MYO5B: variants seen among roughly 807,000 people sequenced by gnomAD.
The protein encoded by MYO5B is unconventional myosin-Vb.
In MYO5B, 143 loss-of-function variants were observed where a neutral mutation model predicts 229.3. The ratio of observed to expected loss-of-function variants is 0.62; its 90% confidence interval spans 0.54 to 0.72. The LOEUF (loss-of-function observed/expected upper bound fraction) is 0.72, where lower values mean the gene tolerates loss of function less well. Among genes scored for constraint, MYO5B ranks in the 30% least tolerant of loss-of-function variants. MYO5B has a pLI of 0.00. For missense variants in MYO5B, 2,321 were observed against 2,331.0 expected, an observed-to-expected ratio of 1.00 and a Z score of 0.09; for synonymous variants, 918 against 885.2, an observed-to-expected ratio of 1.04 and a Z score of -0.66.
At chr18:50,036,137 T>C (rs2026445615) in intron 4 of MYO5B, among the ~76,000 whole-genome samples, 2 of 152,222 alleles carry the variant, frequency 1.3e-5, no homozygotes, top group African/African-American at 4.8e-5. Flanking sequence ...CAAGAAAAAC[T>C]TGGCTGAAAG....
intron 4 of MYO5B, among the ~76,000 whole-genome samples, chr18:50,029,560 A>G (rs372526126): frequency 6.6e-6 from 1 of 152,212 alleles, no homozygotes; most frequent in African/African-American, 2.4e-5. Flanking sequence ...TCACCCAGTC[A>G]TTGCTCCCTA....
intron 4 of MYO5B, among the ~76,000 whole-genome samples, chr18:50,007,064 G>C (rs1211676804): frequency 1.3e-5 from 2 of 152,088 alleles, no homozygotes; most frequent in Non-Finnish European, 2.9e-5. Context: ...TGCAGACTTG[G>C]GTGGCACCCG....
At chr18:50,011,962 GTGGGA>G (rs1393885432) in intron 4 of MYO5B, among the ~76,000 whole-genome samples, 1 of 152,024 alleles carries the variant, frequency 6.6e-6, no homozygotes, top group Non-Finnish European at 1.5e-5. Flanking sequence ...TGTGTAAAGA[GTGGGA>G]CAGCATAGGT....
rs542968237 is a variant in MYO5B, at chr18:49,989,614, C to A, written c.838+825G>T. ...CCATAAGGACCCACACAGAGAAGGG[C>A]CAAAGGCTCCAGACCCAAGGAGAGC... On this transcript the variant is annotated intron_variant, in intron 7 of 39. Transcript: ENST00000285039. 5.3e-5 allele frequency among the ~76,000 whole-genome samples: 8 copies of A among 152,234 alleles called. No individual in the cohort carries two copies. In the South Asian group the frequency reaches 1.5e-3, roughly 28 times the overall value.
chr18:49,843,503 TAGGA>T, intron 33 of MYO5B, 111 bp from the exon 34 acceptor site: 6 of 1,330,760 alleles, frequency 4.5e-6, no homozygotes, highest in Non-Finnish European at 6.4e-6. Context: ...ATAGCTCATC[TAGGA>T]ATAGATGTCT....
chr18:49,947,347 C>A (rs376858238), intron 14 of MYO5B, among the ~76,000 whole-genome samples: 1 of 151,892 alleles, frequency 6.6e-6, no homozygotes, highest in South Asian at 2.1e-4. Context: ...CCTTGTGATC[C>A]GCCTGCCTTG....
chr18:50,090,938 T>C (rs189204129), intron 1 of MYO5B, among the ~76,000 whole-genome samples: 84 of 152,366 alleles, frequency 5.5e-4, no homozygotes, highest in Non-Finnish European at 9.7e-4. Flanking sequence ...ATTCTAGCCA[T>C]GCTAGGTTCC....
chr18:50,101,899 A>C (rs1361072186), intron 1 of MYO5B, among the ~76,000 whole-genome samples: 4 of 152,236 alleles, frequency 2.6e-5, no homozygotes, highest in African/African-American at 9.6e-5. Context: ...TACCCAAAGG[A>C]ATATAAATCA....
At chr18:50,065,941 C>T (rs2852099) in intron 1 of MYO5B, among the ~76,000 whole-genome samples, 146,684 of 152,092 alleles carry the variant, frequency 0.96, 70,946 homozygotes, top group East Asian at 1. Flanking sequence ...CGCTAAGGAA[C>T]TGAAAGAGGG....
rs151001572 is a variant in MYO5B at position 49,992,339 on chromosome 18, G to C, written c.705C>G (p.Ile235Met). The C allele has an allele frequency of 1.2e-6, 2 of 1,614,050 alleles. No individual in the cohort carries two copies. The highest frequency in any genetic ancestry group is 2.7e-5 in the African/African-American group (2 of 74,914). The change falls in exon 6 of 40, where the codon ATC (isoleucine) becomes ATG (methionine). Residue 235 changes from isoleucine (I) to methionine (M), a missense_variant. Ile to Met is a conservative substitution (Grantham distance 10, BLOSUM62 1). Transcript: ENST00000285039. ...AGAGGTAAGTCCTCATGTTGGCCCCGATGATGTGGTACCTTTTGTCAAAGC... is the reference window on the plus strand; with the variant it reads ...AGAGGTAAGTCCTCATGTTGGCCCCCATGATGTGGTACCTTTTGTCAAAGC... ...QIGFDKRYHI[I>M]GANMRTYLLE...
intron 1 of MYO5B, among the ~76,000 whole-genome samples, chr18:50,138,642 CTT>C (rs754318877): frequency 4.7e-5 from 7 of 148,260 alleles, no homozygotes; most frequent in African/African-American, 1.8e-4. Flanking sequence ...GGTGATGACT[CTT>C]GAGTCGGAAA....
intron 39 of MYO5B, among the ~76,000 whole-genome samples, chr18:49,827,330 T>C (rs1350657897): frequency 1.3e-5 from 2 of 152,168 alleles, no homozygotes; most frequent in African/African-American, 4.8e-5. Flanking sequence ...CTGGCCAGGG[T>C]AGGCAGTGGG....
Position 49,952,510 on chromosome 18 carries a change from T to C in MYO5B, c.1752+750A>G, listed in dbSNP as rs185540678. Reference sequence around the variant, plus strand: ...CCTGTGGGTGTCTTCATCTGCCCACTCACAGCCCATTAGAAGGGGAGCAAC... The same window carrying C: ...CCTGTGGGTGTCTTCATCTGCCCACCCACAGCCCATTAGAAGGGGAGCAAC... On this transcript the variant is annotated intron_variant, in intron 14 of 39. Transcript: ENST00000285039. 4.6e-4 allele frequency among the ~76,000 whole-genome samples: 70 copies of C among 152,320 alleles called. No homozygotes were observed. The Middle Eastern group carries it at 0.017, about 37-fold the overall frequency.
chr18:50,018,458 A>G (rs1413892181), intron 4 of MYO5B, among the ~76,000 whole-genome samples: 1 of 152,218 alleles, frequency 6.6e-6, no homozygotes, highest in Non-Finnish European at 1.5e-5. Flanking sequence ...AGCCTTCGCA[A>G]TCTTTAAAAT....
At chr18:50,175,131 G>A (rs2032977270) in intron 1 of MYO5B, among the ~76,000 whole-genome samples, 1 of 152,224 alleles carries the variant, frequency 6.6e-6, no homozygotes, top group African/African-American at 2.4e-5. Flanking sequence ...CCCCTCAGTA[G>A]CCATTCTTCT....
chr18:49,973,514 AT>A (rs1390211507), intron 10 of MYO5B, among the ~76,000 whole-genome samples: 2 of 152,188 alleles, frequency 1.3e-5, no homozygotes, highest in African/African-American at 4.8e-5. Flanking sequence ...TAATTTAAAG[AT>A]CCAGGAGGAT....
chr18:49,897,475 T>C (rs1332506957), intron 21 of MYO5B, among the ~76,000 whole-genome samples: 2 of 152,164 alleles, frequency 1.3e-5, no homozygotes, highest in Non-Finnish European at 2.9e-5. Context: ...CCTGGGTACA[T>C]AGTAGGTGTG....
At chr18:49,940,300 A>G (rs2025300109) in intron 14 of MYO5B, among the ~76,000 whole-genome samples, 1 of 152,218 alleles carries the variant, frequency 6.6e-6, no homozygotes, top group South Asian at 2.1e-4. Context: ...CTGACAGTAC[A>G]GAGTCATGGT....
chr18:50,039,011 C>A (rs776472853), intron 3 of MYO5B, among the ~76,000 whole-genome samples: 1 of 152,200 alleles, frequency 6.6e-6, no homozygotes, highest in African/African-American at 2.4e-5. Flanking sequence ...CTCACCCTAA[C>A]TTAGCAGCTA....
Sources: allele counts gnomAD v4.1 joint callset (sites outside exome capture counted in the v4.1 genomes callset), GRCh38; gene constraint gnomAD v4.1.1; transcripts MANE v1.5; gene names NCBI Gene and HGNC (gene_info 2026-07-23, HGNC 2026-07-21).